The following ASB7 variants were observed in gnomAD, a reference collection of about 807,000 sequenced individuals.
ASB7 encodes the protein ankyrin repeat and SOCS box containing 7.
Under a neutral mutation model 32.5 loss-of-function variants are expected in ASB7, and 4 were observed. The observed-to-expected ratio is 0.12, with a 90% confidence interval of 0.06 to 0.28. ASB7 has a LOEUF of 0.28. Ranked by LOEUF, ASB7 falls within the 10% of genes least tolerant of loss-of-function variation. The pLI, the probability that ASB7 is intolerant of heterozygous loss-of-function variation, is 1.00. For synonymous variants in ASB7, 172 were observed against 155.6 expected, an observed-to-expected ratio of 1.11 and a Z score of -0.78; for missense variants, 181 against 407.1, an observed-to-expected ratio of 0.44 and a Z score of 4.78.
At chr15:100,644,789 A>G (rs1018178893) in intron 5 of ASB7, among the ~76,000 whole-genome samples, 1 of 151,898 alleles carries the variant, frequency 6.6e-6, no homozygotes, top group Admixed American at 6.6e-5. Flanking sequence ...CAGAGATCTG[A>G]AAGGTGGAGG....
Position 100,611,081 on chromosome 15 carries a change from G to C in ASB7, c.-51-1085G>C, listed in dbSNP as rs1033269901. On this transcript the variant is annotated intron_variant, in intron 3 of 5. Coordinates refer to ENST00000332783, the MANE Select transcript of ASB7 (RefSeq NM_198243.3). ...AATTTTTGAGACAGGGTCTTGCTCT[G>C]TATCCCAGGCTGGAGTGCAGTGGCA... Among the ~76,000 whole-genome samples, 5 of 152,174 alleles carry C rather than the reference G, an allele frequency of 3.3e-5. 1 individual carries two copies. The highest frequency in any genetic ancestry group is 1.2e-4 in the African/African-American group (5 of 41,430).
chr15:100,609,104 T>G (rs1458593705), intron 2 of ASB7, among the ~76,000 whole-genome samples: 1 of 152,234 alleles, frequency 6.6e-6, no homozygotes, highest in African/African-American at 2.4e-5. Context: ...GAGAGTTTAT[T>G]CAGAATTCAC....
intron 5 of ASB7, among the ~76,000 whole-genome samples, chr15:100,647,908 G>A (rs2040007358): frequency 6.6e-6 from 1 of 152,218 alleles, no homozygotes; most frequent in Non-Finnish European, 1.5e-5. Context: ...CCAAGGCTCA[G>A]AGGAATGATT....
chr15:100,632,182 T>C (rs977016247), intron 5 of ASB7, among the ~76,000 whole-genome samples: 1 of 152,200 alleles, frequency 6.6e-6, no homozygotes, highest in African/African-American at 2.4e-5. Context: ...TGTCTGTGCT[T>C]AGGTTCTCCA....
In ASB7 at chr15:100,629,453, A is replaced by G. The variant is rs1401463621; in HGVS notation, c.228A>G (p.Lys76=). Residue 76 remains lysine (K), a synonymous_variant, in exon 5 of 6, where the codon AAA becomes AAG. Coordinates refer to ENST00000332783, the MANE Select transcript of ASB7 (RefSeq NM_198243.3). This position sits in a 1 kb window ranked among gnomAD's most constrained non-coding sequence, Gnocchi z 6.8. The part of the protein sequence containing the change: ...FLEHGADPTV[K]DLIGGFTALH... ...TAACTCCAGCTGATCCTACAGTTAA[A>G]GACTTAATCGGAGGCTTCACGGCTC... 3 of 1,611,628 alleles carry G rather than the reference A, an allele frequency of 1.9e-6. No homozygotes were observed. The highest frequency in any genetic ancestry group is 2.5e-6 in the Non-Finnish European group (3 of 1,178,132).
At chr15:100,640,509 T>A (rs948092623) in intron 5 of ASB7, among the ~76,000 whole-genome samples, 2 of 152,146 alleles carry the variant, frequency 1.3e-5, no homozygotes, top group Non-Finnish European at 2.9e-5. Context: ...ATCCCAGATG[T>A]TGACCTAAGA....
Position 100,629,409 on chromosome 15 carries a change from A to G in ASB7, c.212-28A>G. On this transcript the variant is annotated intron_variant, in intron 4 of 5. Transcript: ENST00000332783. The surrounding 1 kb of genome is among the most constrained non-coding windows in gnomAD (Gnocchi z 6.8). Reference sequence around the variant, plus strand: ...TTGTTGTTTTGTCTTGGAGTCTGCTAATACTTTCATTTTGGTTTTAACTCC... The same window carrying G: ...TTGTTGTTTTGTCTTGGAGTCTGCTGATACTTTCATTTTGGTTTTAACTCC... 1.3e-6 allele frequency: 2 copies of G among 1,570,590 alleles called. No homozygotes were observed. Among genetic ancestry groups the G allele is most frequent in the Non-Finnish European group, 1.7e-6 (2 of 1,148,912 alleles).
At chr15:100,647,622 A>G (rs1289794026) in intron 5 of ASB7, among the ~76,000 whole-genome samples, 1 of 152,202 alleles carries the variant, frequency 6.6e-6, no homozygotes, top group African/African-American at 2.4e-5. Flanking sequence ...GCAAGTGATC[A>G]GGGTGTGGAA....
chr15:100,624,859 CA>C (rs1336626151), intron 4 of ASB7, among the ~76,000 whole-genome samples: 1 of 151,692 alleles, frequency 6.6e-6, no homozygotes, highest in East Asian at 2.0e-4. Flanking sequence ...CAATAGATAC[CA>C]AAATTCCTAA....
At chr15:100,623,628 T>C (rs577957542) in intron 4 of ASB7, among the ~76,000 whole-genome samples, 40 of 152,254 alleles carry the variant, frequency 2.6e-4, no homozygotes, top group African/African-American at 9.4e-4. Flanking sequence ...CTTAATACGG[T>C]GTTGGTGGGA....
rs565659627 is a variant in ASB7, at chr15:100,630,567, G to A, written c.817+525G>A. On this transcript the variant is annotated intron_variant, in intron 5 of 5. Coordinates refer to ENST00000332783, the MANE Select transcript of ASB7 (RefSeq NM_198243.3). Reference sequence around the variant, plus strand: ...TGTGTATTTAGGGATACCACTCGTGGAAGTTAAGGATGCTAGAAATTGTTG... The same window carrying A: ...TGTGTATTTAGGGATACCACTCGTGAAAGTTAAGGATGCTAGAAATTGTTG... Among the ~76,000 whole-genome samples the A allele has an allele frequency of 1.3e-4, 20 of 152,318 alleles. No individual in the cohort carries two copies. In the South Asian group the frequency reaches 1.7e-3, roughly 13 times the overall value.
chr15:100,610,134 A>C (rs2039682108), intron 3 of ASB7, among the ~76,000 whole-genome samples: 1 of 152,214 alleles, frequency 6.6e-6, no homozygotes, highest in African/African-American at 2.4e-5. Context: ...CCTATTCTGA[A>C]AGGATTCTCA....
intron 4 of ASB7, among the ~76,000 whole-genome samples, chr15:100,624,841 T>G (rs554404947): frequency 6.6e-6 from 1 of 152,284 alleles, no homozygotes; most frequent in East Asian, 1.9e-4. Context: ...AGCCAATATT[T>G]TTCATGACAA....
At chr15:100,610,020 A>G (rs1422608075) in intron 3 of ASB7, among the ~76,000 whole-genome samples, 192 bp downstream of exon 3, 1 of 152,316 alleles carries the variant, frequency 6.6e-6, no homozygotes, top group Middle Eastern at 3.4e-3. Flanking sequence ...ATAATCACTT[A>G]ATTAAAAAGA....
intron 4 of ASB7, among the ~76,000 whole-genome samples, chr15:100,622,906 C>T (rs1481434641): frequency 6.6e-6 from 1 of 152,158 alleles, no homozygotes. Context: ...CTCAGAAACA[C>T]AGACAACTAA....
Position 100,637,973 on chromosome 15 carries a change from A to G in ASB7, c.817+7931A>G, listed in dbSNP as rs2039935741. Among the ~76,000 whole-genome samples, 2 of 148,492 alleles carry G rather than the reference A, an allele frequency of 1.3e-5. 1 individual carries two copies. Among genetic ancestry groups the G allele is most frequent in the African/African-American group, 5.2e-5 (2 of 38,704 alleles). ...AGCAGCTCTTTTTTTTTTTTTACATAAAAATTTATTTCAATTGATTGTGGA... is the reference window on the plus strand; with the variant it reads ...AGCAGCTCTTTTTTTTTTTTTACATGAAAATTTATTTCAATTGATTGTGGA... On this transcript the variant is annotated intron_variant, in intron 5 of 5. Coordinates refer to ENST00000332783, the MANE Select transcript of ASB7 (RefSeq NM_198243.3).
intron 5 of ASB7, among the ~76,000 whole-genome samples, chr15:100,641,000 G>A (rs1015172618): frequency 1.3e-5 from 2 of 152,156 alleles, no homozygotes; most frequent in African/African-American, 4.8e-5. Context: ...ATCCCCTAAA[G>A]GGTTTGTAAT....
chr15:100,603,189 C>A (rs2039579864), intron 1 of ASB7, 26 bp from the exon 2 acceptor site: 8 of 390,248 alleles, frequency 2.0e-5, no homozygotes, highest in African/African-American at 4.2e-5. Flanking sequence ...AGACACTACA[C>A]CACTCACTGG....
At chr15:100,618,664 A>G (rs1008096734) in intron 4 of ASB7, among the ~76,000 whole-genome samples, 1 of 151,862 alleles carries the variant, frequency 6.6e-6, no homozygotes. Flanking sequence ...GAGAGGAAGA[A>G]AGAACAAGAA....
Sources: allele counts gnomAD v4.1 joint callset (sites outside exome capture counted in the v4.1 genomes callset), GRCh38; gene constraint gnomAD v4.1.1; non-coding constraint Gnocchi (gnomAD v3.1); transcripts MANE v1.5; gene names NCBI Gene and HGNC (gene_info 2026-07-23, HGNC 2026-07-21).